The following NLRP5 variants were observed in gnomAD, a reference collection of about 807,000 sequenced individuals.
The protein encoded by NLRP5 is NLR family pyrin domain containing 5, also known as NACHT, LRR and PYD domains-containing protein 5.
NLRP5 carries 93 observed loss-of-function variants against 113.1 expected under a neutral mutation model. The ratio of observed to expected loss-of-function variants is 0.82; its 90% CI spans 0.70 to 0.98. NLRP5 has a LOEUF of 0.98. Ranked by LOEUF, NLRP5 falls within the 50% of genes least tolerant of loss-of-function variation. NLRP5 has a pLI of 0.00. For missense variants in NLRP5, 1,808 were observed against 1,514.3 expected (o/e 1.19, Z -3.22); for synonymous variants, 751 against 600.7 (o/e 1.25, Z -3.66).
chr19:55,998,684 A>ATATATGTGTGTGTGTG (rs1981436557), upstream of NLRP5, among the ~76,000 whole-genome samples: 1 of 82,026 alleles, frequency 1.2e-5, no homozygotes, highest in Non-Finnish European at 2.0e-5. Context: ...ATATATATAT[A>ATATATGTGTGTGTGTG]TATATATATA....
the NLRP5 span, among the ~76,000 whole-genome samples, chr19:55,994,004 A>G: frequency 6.6e-6 from 1 of 151,050 alleles, no homozygotes; most frequent in African/African-American, 2.4e-5. Context: ...TCGCTGGATC[A>G]TAGGGTATTA....
intron 7 of NLRP5, among the ~76,000 whole-genome samples, chr19:56,029,925 C>T (rs769617917): frequency 4.0e-5 from 6 of 149,814 alleles, no homozygotes; most frequent in Non-Finnish European, 8.9e-5. Flanking sequence ...CATGGTGGCG[C>T]ACACCTGTAA....
At chr19:56,040,483 A>G (rs970535798) in intron 10 of NLRP5, among the ~76,000 whole-genome samples, 1 of 152,164 alleles carries the variant, frequency 6.6e-6, no homozygotes, top group African/African-American at 2.4e-5. Flanking sequence ...CCGGAGAATC[A>G]TTTGAACCTG....
At chr19:55,996,467 C>T (rs952494283), upstream of NLRP5, among the ~76,000 whole-genome samples, 1 of 152,126 alleles carries the variant, frequency 6.6e-6, no homozygotes, top group African/African-American at 2.4e-5. Context: ...TCATCATTTA[C>T]ATTAGGTATA....
At chr19:56,014,622 G>C (rs190322319) in intron 3 of NLRP5, among the ~76,000 whole-genome samples, 232 of 152,254 alleles carry the variant, frequency 1.5e-3, no homozygotes, top group African/African-American at 5.4e-3. Flanking sequence ...ATGAAGTAGA[G>C]GGTTCAACTT....
chr19:56,011,235 C>T (rs149946377), intron 3 of NLRP5, among the ~76,000 whole-genome samples: 84 of 151,886 alleles, frequency 5.5e-4, no homozygotes, highest in Non-Finnish European at 1.0e-3. Flanking sequence ...TGAAGGAAAC[C>T]ATCACAAAAA....
chr19:56,058,115 T>G, intron 13 of NLRP5, 125 bp from the exon 14 acceptor site: 3 of 767,490 alleles, frequency 3.9e-6, no homozygotes, highest in Non-Finnish European at 6.1e-6. Flanking sequence ...CAGTTTCATT[T>G]TTTGTTTGTT....
At chr19:56,015,473 G>A (rs1051238989) in intron 3 of NLRP5, among the ~76,000 whole-genome samples, 1 of 152,178 alleles carries the variant, frequency 6.6e-6, no homozygotes, top group Non-Finnish European at 1.5e-5. Flanking sequence ...TGGTATTAGA[G>A]GAGTGAGCCA....
At chr19:55,998,002 C>T (rs941694308), upstream of NLRP5, among the ~76,000 whole-genome samples, 1 of 152,142 alleles carries the variant, frequency 6.6e-6, no homozygotes, top group Non-Finnish European at 1.5e-5. Context: ...ACTATCTACT[C>T]TTATAAATGG....
intron 5 of NLRP5, among the ~76,000 whole-genome samples, chr19:56,019,632 C>T (rs553519023): frequency 6.6e-6 from 1 of 152,120 alleles, no homozygotes; most frequent in African/African-American, 2.4e-5. Context: ...TCTAAAGAAC[C>T]CATAATTCTA....
At chr19:56,040,088 C>G (rs1335651305) in intron 10 of NLRP5, among the ~76,000 whole-genome samples, 1 of 152,056 alleles carries the variant, frequency 6.6e-6, no homozygotes. Context: ...GTAGCTGGGA[C>G]TACATGCATG....
chr19:56,047,162 C>T (rs765325238), intron 11 of NLRP5, among the ~76,000 whole-genome samples: 8 of 152,128 alleles, frequency 5.3e-5, no homozygotes, highest in Non-Finnish European at 1.2e-4. Flanking sequence ...TGCCAATAGT[C>T]TATCAATTTT....
chr19:56,031,810 A>G (rs767604803), intron 7 of NLRP5, among the ~76,000 whole-genome samples: 3 of 152,130 alleles, frequency 2.0e-5, no homozygotes, highest in Non-Finnish European at 4.4e-5. Context: ...TTCTTTGTTC[A>G]TCCATGGATG....
intron 10 of NLRP5, 150 bp from the exon 11 acceptor site, chr19:56,040,772 T>TA: frequency 1.6e-6 from 1 of 626,454 alleles, no homozygotes; most frequent in Middle Eastern, 4.4e-4. Context: ...GTTTGCAAGT[T>TA]AAAGGCAGAG....
chr19:56,034,774 T>C (rs75189321), intron 9 of NLRP5, among the ~76,000 whole-genome samples: 12 of 152,252 alleles, frequency 7.9e-5, no homozygotes, highest in East Asian at 7.7e-4. Context: ...GGCCATTCAA[T>C]GCTATGGAGT....
At chr19:56,024,327 C>A (rs1982726930) in intron 6 of NLRP5, among the ~76,000 whole-genome samples, 1 of 137,732 alleles carries the variant, frequency 7.3e-6, no homozygotes, top group Non-Finnish European at 1.5e-5. Context: ...CATGGTGAAA[C>A]CTCATCTCTG....
At chr19:56,036,983 C>T (rs1378891616) in intron 9 of NLRP5, among the ~76,000 whole-genome samples, 1 of 152,096 alleles carries the variant, frequency 6.6e-6, no homozygotes, top group Non-Finnish European at 1.5e-5. Flanking sequence ...AATAAACCTG[C>T]TTCCTTCATC....
chr19:56,053,121 C>T (rs1252242533), intron 12 of NLRP5, among the ~76,000 whole-genome samples: 4 of 150,798 alleles, frequency 2.7e-5, no homozygotes, highest in African/African-American at 7.3e-5. Flanking sequence ...ATAGGCTGGG[C>T]GTAGTGGCTC....
rs183545061 is a variant in NLRP5 at position 56,057,657 on chromosome 19, A to G, written c.3300-583A>G. 7.6e-4 allele frequency among the ~76,000 whole-genome samples: 116 copies of G among 152,202 alleles called. 1 individual carries two copies. The highest frequency in any genetic ancestry group is 2.5e-3 in the African/African-American group (105 of 41,524). ...AGCCTTTCTTTCATTGTTTTCCACA[A>G]CTATAATTTGAGTTACCCACCATCT... is the stretch of plus-strand genomic sequence containing the variant. On this transcript the variant is annotated intron_variant, in intron 13 of 14. Transcript: ENST00000390649.
Sources: allele counts gnomAD v4.1 joint callset (sites outside exome capture counted in the v4.1 genomes callset), GRCh38; gene constraint gnomAD v4.1.1; transcripts MANE v1.5; gene names NCBI Gene and HGNC (gene_info 2026-07-23, HGNC 2026-07-21).